The following PDGFD variants were observed in gnomAD, a reference collection of about 807,000 sequenced individuals.
The protein encoded by PDGFD is platelet derived growth factor D.
A neutral mutation model predicts 44.7 loss-of-function variants in PDGFD; 30 were observed. The observed-to-expected ratio is 0.67, with a 90% CI of 0.50 to 0.91. The LOEUF (loss-of-function observed/expected upper bound fraction) is 0.91, where lower values mean the gene tolerates loss of function less well. PDGFD is among the 40% of genes least tolerant of loss of function. PDGFD has a pLI of 0.00. For missense variants in PDGFD, 445 were observed against 457.8 expected (o/e 0.97, Z 0.25); for synonymous variants, 173 against 168.4 (o/e 1.03, Z -0.21).
In PDGFD at chr11:103,947,667, T is replaced by G; in HGVS notation, c.568A>C (p.Ile190Leu). Residue 190 changes from isoleucine (I) to leucine (L), a missense_variant, in exon 4 of 7, where the codon ATT becomes CTT. Coordinates refer to ENST00000393158, the MANE Select transcript of PDGFD (RefSeq NM_025208.5). Reference sequence around the variant, plus strand: ...CAGAGTAATAAATTACTTACTGAAATAGAGCTTGTGACAGATTCCCAGTTG... The same window carrying G: ...CAGAGTAATAAATTACTTACTGAAAGAGAGCTTGTGACAGATTCCCAGTTG... ...ETNWESVTSS[I>L]SGVSYNSPSV... 6.2e-7 allele frequency: 1 copy of G among 1,613,010 alleles called. No homozygotes were observed. The highest frequency in any genetic ancestry group is 8.5e-7 in the Non-Finnish European group (1 of 1,179,106).
chr11:103,969,121 CA>C lies in PDGFD; in HGVS notation c.511-21398del, dbSNP rs368674186. 1.8e-4 allele frequency among the ~76,000 whole-genome samples: 28 copies of C among 152,276 alleles called. 2 individuals carry two copies. In the South Asian group the frequency reaches 5.8e-3, roughly 32 times the overall value. On this transcript the variant is annotated intron_variant, in intron 3 of 6. Coordinates refer to ENST00000393158, the MANE Select transcript of PDGFD (RefSeq NM_025208.5). The stretch of plus-strand genomic sequence containing the variant: ...AGACTTTCACAGTATACTTTTTCAT[CA>C]ACTTTCATGCTTACGCAGCTGCCAG...
At chr11:104,089,665 T>C (rs977530712) in intron 1 of PDGFD, among the ~76,000 whole-genome samples, 3 of 152,102 alleles carry the variant, frequency 2.0e-5, no homozygotes, top group African/African-American at 4.8e-5. Context: ...AGGAAGTGAG[T>C]ATTGCCAAGT....
chr11:103,984,415 G>A (rs563757877), intron 3 of PDGFD, among the ~76,000 whole-genome samples: 6 of 151,756 alleles, frequency 4.0e-5, no homozygotes, highest in African/African-American at 1.5e-4. Context: ...TTCAAAGGGT[G>A]GAGTGGTGGA....
At position 104,164,114 on chromosome 11, in the gene PDGFD, C is replaced by T. The variant is rs1591194375; in HGVS notation, c.-187G>A. On this transcript the variant is annotated 5_prime_UTR_variant, in exon 1 of 7. Coordinates refer to ENST00000393158, the MANE Select transcript of PDGFD (RefSeq NM_025208.5). ...GAACTTTCCGAGCGCGTGTGGGTGCCGCACTTCCTTGTGGTGCTGAGCTGA... is the reference window on the plus strand; with the variant it reads ...GAACTTTCCGAGCGCGTGTGGGTGCTGCACTTCCTTGTGGTGCTGAGCTGA... 3 of 503,958 alleles carry T rather than the reference C, an allele frequency of 6.0e-6. No individual in the cohort carries two copies. The highest frequency in any genetic ancestry group is 9.0e-5 in the South Asian group (2 of 22,314). The allele number at this position is 503,958 out of a possible 1,614,324, so 31.2% of individuals were successfully genotyped here. A position where few individuals can be genotyped will look rare whatever the true frequency, so the allele number is the denominator to read the frequency against.
At chr11:104,038,038 C>T in intron 1 of PDGFD, 3 of 1,584,642 alleles carry the variant, frequency 1.9e-6, no homozygotes, top group Non-Finnish European at 2.6e-6. Flanking sequence ...ATGTTACCAC[C>T]TTGAGGGAGC....
intron 1 of PDGFD, among the ~76,000 whole-genome samples, chr11:104,072,931 GGAT>G (rs1169586801): frequency 6.6e-6 from 1 of 151,790 alleles, no homozygotes; most frequent in Non-Finnish European, 1.5e-5. Flanking sequence ...CCCACAAGCT[GGAT>G]AATACATGAA....
intron 1 of PDGFD, among the ~76,000 whole-genome samples, chr11:104,117,330 G>A (rs1861657178): frequency 6.6e-6 from 1 of 151,928 alleles, no homozygotes; most frequent in South Asian, 2.1e-4. Flanking sequence ...ACAAGACAAG[G>A]ATGCCCACCC....
chr11:104,141,039 G>T (rs916356058), intron 1 of PDGFD, among the ~76,000 whole-genome samples: 36 of 152,172 alleles, frequency 2.4e-4, no homozygotes, highest in African/African-American at 8.2e-4. Context: ...ATCTTTGCTA[G>T]CTTCTATCTC....
chr11:104,119,769 GATAAA>G (rs1861740930), intron 1 of PDGFD, among the ~76,000 whole-genome samples: 1 of 101,346 alleles, frequency 9.9e-6, no homozygotes, highest in Non-Finnish European at 1.8e-5. Context: ...TATAATATAT[GATAAA>G]ATATAATATA....
At chr11:104,003,071 T>C (rs952164181) in intron 1 of PDGFD, among the ~76,000 whole-genome samples, 5 of 152,226 alleles carry the variant, frequency 3.3e-5, no homozygotes, top group African/African-American at 1.2e-4. Context: ...TTTAAAAATG[T>C]TTAAAGAATG....
chr11:103,966,694 T>G (rs1859025460), intron 3 of PDGFD, among the ~76,000 whole-genome samples: 1 of 152,194 alleles, frequency 6.6e-6, no homozygotes, highest in Admixed American at 6.5e-5. Context: ...AAATTGGATT[T>G]CTGACATTGG....
intron 6 of PDGFD, among the ~76,000 whole-genome samples, chr11:103,912,838 C>T (rs983563075): frequency 6.6e-6 from 1 of 151,674 alleles, no homozygotes; most frequent in Non-Finnish European, 1.5e-5. Context: ...CAATCCTAGT[C>T]TCTGATAAAA....
intron 3 of PDGFD, among the ~76,000 whole-genome samples, chr11:103,956,931 T>C (rs963193939): frequency 6.6e-6 from 1 of 152,238 alleles, no homozygotes; most frequent in Non-Finnish European, 1.5e-5. Flanking sequence ...TAAATTTGTT[T>C]GAGTTCATTG....
At position 103,927,209 on chromosome 11, in the gene PDGFD, A is replaced by AAG. The variant is rs1858329000; in HGVS notation, c.773-85_773-84dup. ...CATGTGTTTTGGGGAATAGAGTGGGAAGATTCTGTGAGGACAACTTTAATC... is the reference window on the plus strand; with the variant it reads ...CATGTGTTTTGGGGAATAGAGTGGGAAGAGATTCTGTGAGGACAACTTTAATC... On this transcript the variant is annotated intron_variant, in intron 5 of 6. Coordinates refer to ENST00000393158, the MANE Select transcript of PDGFD (RefSeq NM_025208.5). 4 of 1,253,970 alleles carry AAG rather than the reference A, an allele frequency of 3.2e-6. No individual in the cohort carries two copies. The East Asian group carries it at 9.4e-5, about 29-fold the overall frequency. 77.7% of individuals were successfully genotyped at this position (1,253,970 alleles called of 1,614,324 possible). A position where few individuals can be genotyped will look rare whatever the true frequency, so the allele number is the denominator to read the frequency against.
chr11:104,002,432 G>A (rs1859634336), intron 1 of PDGFD, among the ~76,000 whole-genome samples: 1 of 152,086 alleles, frequency 6.6e-6, no homozygotes, highest in Non-Finnish European at 1.5e-5. Flanking sequence ...TGCAACCCCT[G>A]CCTCCTGCTG....
At chr11:104,112,325 T>C (rs1861570753) in intron 1 of PDGFD, among the ~76,000 whole-genome samples, 1 of 152,102 alleles carries the variant, frequency 6.6e-6, no homozygotes, top group Admixed American at 6.6e-5. Context: ...GTTGCATGTA[T>C]GCCTTCTTTT....
chr11:104,114,305 T>G (rs1344622427), intron 1 of PDGFD, among the ~76,000 whole-genome samples: 1 of 151,450 alleles, frequency 6.6e-6, no homozygotes, highest in Non-Finnish European at 1.5e-5. Flanking sequence ...TCATTTTTTT[T>G]TCTGCATGTG....
At chr11:103,978,774 G>A (rs1420265343) in intron 3 of PDGFD, among the ~76,000 whole-genome samples, 1 of 152,076 alleles carries the variant, frequency 6.6e-6, no homozygotes, top group Admixed American at 6.6e-5. Context: ...CCTGTACTAA[G>A]TGACGTCATT....
At chr11:104,041,383 T>C (rs1860350117) in intron 1 of PDGFD, among the ~76,000 whole-genome samples, 2 of 150,482 alleles carry the variant, frequency 1.3e-5, no homozygotes, top group South Asian at 2.1e-4. Context: ...GTACTTTTAA[T>C]GTGTCTAAAA....
Sources: allele counts gnomAD v4.1 joint callset (sites outside exome capture counted in the v4.1 genomes callset), GRCh38; gene constraint gnomAD v4.1.1; transcripts MANE v1.5; gene names NCBI Gene and HGNC (gene_info 2026-07-23, HGNC 2026-07-21).